The following OR51B5 variants were observed in gnomAD, a reference collection of about 807,000 sequenced individuals.
OR51B5 encodes olfactory receptor family 51 subfamily B member 5.
For missense variants in OR51B5, 456 were observed against 374.6 expected (o/e 1.22, Z -1.79); for synonymous variants, 186 against 144.8 (o/e 1.28, Z -2.04).
At chr11:5,402,579 T>G (rs1014660058) in intron 1 of OR51B5, 5 of 461,632 alleles carry the variant, frequency 1.1e-5, no homozygotes, top group African/African-American at 1.0e-4. Context: ...CACTGATCCC[T>G]GAGGATGATA....
chr11:5,504,002 T>G (rs1423787968), intron 1 of OR51B5, among the ~76,000 whole-genome samples: 1 of 152,180 alleles, frequency 6.6e-6, no homozygotes, highest in African/African-American at 2.4e-5. Context: ...CTAGGGATAC[T>G]ACTAATATCT....
At chr11:5,363,504 A>G (rs994607933) in intron 1 of OR51B5, among the ~76,000 whole-genome samples, 3 of 152,008 alleles carry the variant, frequency 2.0e-5, no homozygotes, top group African/African-American at 4.8e-5. Context: ...ATAAACACAC[A>G]TCACCACCAC....
chr11:5,410,024 T>TACACAGTGA (rs1366151983), intron 1 of OR51B5, among the ~76,000 whole-genome samples: 3 of 151,970 alleles, frequency 2.0e-5, no homozygotes, highest in African/African-American at 7.2e-5. Flanking sequence ...TCCCATTCTA[T>TACACAGTGA]ACACAGTGAA....
intron 1 of OR51B5, among the ~76,000 whole-genome samples, chr11:5,360,243 C>T (rs1415159776): frequency 6.6e-6 from 1 of 151,764 alleles, no homozygotes; most frequent in African/African-American, 2.4e-5. Context: ...GCAATCTACT[C>T]ATCCGACAAA....
At chr11:5,414,689 TA>T (rs1850209524) in intron 1 of OR51B5, among the ~76,000 whole-genome samples, 1 of 152,148 alleles carries the variant, frequency 6.6e-6, no homozygotes, top group Admixed American at 6.5e-5. Flanking sequence ...ACAAGGCCAA[TA>T]CATAATGGTA....
intron 1 of OR51B5, among the ~76,000 whole-genome samples, chr11:5,469,705 A>T (rs1851197395): frequency 6.6e-6 from 1 of 152,094 alleles, no homozygotes; most frequent in African/African-American, 2.4e-5. Flanking sequence ...GTGTCTATAT[A>T]GTTTTTTACA....
chr11:5,397,427 G>A (rs1849894074), intron 1 of OR51B5, among the ~76,000 whole-genome samples: 1 of 152,036 alleles, frequency 6.6e-6, no homozygotes, highest in Non-Finnish European at 1.5e-5. Context: ...AGACATTTAT[G>A]CAGCCAAAAG....
At chr11:5,413,805 G>A (rs544129344) in intron 1 of OR51B5, among the ~76,000 whole-genome samples, 13 of 151,862 alleles carry the variant, frequency 8.6e-5, no homozygotes, top group Admixed American at 8.5e-4. Context: ...ATCTACATCT[G>A]ATTGGTGTAC....
chr11:5,380,282 C>T (rs1378771941), intron 1 of OR51B5, among the ~76,000 whole-genome samples: 1 of 152,068 alleles, frequency 6.6e-6, no homozygotes, highest in Non-Finnish European at 1.5e-5. Context: ...TGCAGGTGTC[C>T]AGGGAGGCAG....
intron 1 of OR51B5, among the ~76,000 whole-genome samples, chr11:5,492,092 G>T (rs1402725913): frequency 6.6e-6 from 1 of 152,110 alleles, no homozygotes; most frequent in Non-Finnish European, 1.5e-5. Context: ...TGCTGAGGGA[G>T]ACTCTCTTAA....
In OR51B5 at chr11:5,414,491, T is replaced by C. The variant is rs551978210; in HGVS notation, n.85-67581A>G. Among the ~76,000 whole-genome samples the C allele has an allele frequency of 8.2e-3, 1,248 of 151,858 alleles. 19 individuals carry two copies. The highest frequency in any genetic ancestry group is 0.029 in the African/African-American group (1,194 of 41,418). On this transcript the variant is annotated intron_variant and non_coding_transcript_variant, in intron 1 of 4. Transcript: ENST00000415970. ...CAATTAAAAGACACAGACTGGCAAA[T>C]TGGATAAAGAGTCAAGACCCATCAG...
chr11:5,363,954 A>G (rs1196043633), intron 1 of OR51B5, among the ~76,000 whole-genome samples: 2 of 152,194 alleles, frequency 1.3e-5, no homozygotes, highest in Non-Finnish European at 2.9e-5. Context: ...AAGGAGGAGA[A>G]GCTTGTGTTA....
chr11:5,478,937 G>A (rs1464565239), intron 1 of OR51B5, among the ~76,000 whole-genome samples: 1 of 151,188 alleles, frequency 6.6e-6, no homozygotes, highest in Non-Finnish European at 1.5e-5. Context: ...AAAACACTCT[G>A]CAGGATATTA....
chr11:5,354,881 G>C (rs1448903515), intron 1 of OR51B5: 2 of 180,666 alleles, frequency 1.1e-5, no homozygotes, highest in African/African-American at 2.4e-5. Flanking sequence ...AGGATGTTTA[G>C]AAGCAATCAA....
chr11:5,347,755 A>T (rs901897947), upstream of OR51B5, among the ~76,000 whole-genome samples: 1 of 152,040 alleles, frequency 6.6e-6, no homozygotes, highest in East Asian at 1.9e-4. Context: ...AGAGAAAAAG[A>T]TGGAAGGAAG....
chr11:5,444,684 T>G (rs2133779246), intron 1 of OR51B5, among the ~76,000 whole-genome samples: 2 of 152,288 alleles, frequency 1.3e-5, no homozygotes, highest in Middle Eastern at 6.8e-3. Flanking sequence ...CAGCTCATTC[T>G]CCTAAGACTT....
At chr11:5,444,227 C>T (rs1247003306) in intron 1 of OR51B5, among the ~76,000 whole-genome samples, 1 of 140,222 alleles carries the variant, frequency 7.1e-6, no homozygotes, top group African/African-American at 2.5e-5. Context: ...AGATTGACAA[C>T]TACATTGTTA....
At position 5,454,475 on chromosome 11, in the gene OR51B5, T is replaced by A. The variant is rs1258108691; in HGVS notation, n.84+51094A>T. ...CTGTTATTTTGGCCATAGGCTCTCA[T>A]CAGTAGCATCGTCATCATCATCATC... is the stretch of plus-strand genomic sequence containing the variant. On this transcript the variant is annotated intron_variant and non_coding_transcript_variant, in intron 1 of 4. Coordinates refer to the OR51B5 transcript ENST00000415970. The A allele has an allele frequency of 5.7e-6, 8 of 1,400,252 alleles. No homozygotes were observed. The South Asian group carries it at 1.0e-4, about 18-fold the overall frequency. 86.7% of individuals were successfully genotyped at this position (1,400,252 alleles called of 1,614,324 possible).
intron 1 of OR51B5, among the ~76,000 whole-genome samples, chr11:5,464,515 C>A (rs1213234560): frequency 6.7e-6 from 1 of 148,984 alleles, no homozygotes; most frequent in African/African-American, 2.5e-5. Flanking sequence ...CAGTTCCCAC[C>A]TATGAGTGAG....
Sources: allele counts gnomAD v4.1 joint callset (sites outside exome capture counted in the v4.1 genomes callset), GRCh38; gene constraint gnomAD v4.1.1; transcripts MANE v1.5; gene names NCBI Gene and HGNC (gene_info 2026-07-23, HGNC 2026-07-21).